The following DPF3 variants were observed in gnomAD, a reference collection of about 807,000 sequenced individuals.
DPF3 encodes zinc finger protein DPF3.
A neutral mutation model predicts 56.8 loss-of-function variants in DPF3; 18 were observed. That is an observed-to-expected ratio of 0.32 (90% CI 0.22 to 0.47). The LOEUF (loss-of-function observed/expected upper bound fraction) is 0.47, where lower values mean the gene tolerates loss of function less well. Among genes scored for constraint, DPF3 ranks in the 20% least tolerant of loss-of-function variants. The pLI is 1.00. For synonymous variants in DPF3, 188 were observed against 180.2 expected, an observed-to-expected ratio of 1.04 and a Z score of -0.35; for missense variants, 403 against 488.8, an observed-to-expected ratio of 0.82 and a Z score of 1.65.
chr14:72,673,550 T>A (rs1040562810), intron 8 of DPF3, among the ~76,000 whole-genome samples: 1 of 152,218 alleles, frequency 6.6e-6, no homozygotes, highest in Non-Finnish European at 1.5e-5. Flanking sequence ...AGACCTGAAT[T>A]CATTTTAAGA....
At position 72,765,032 on chromosome 14, in the gene DPF3, G is replaced by A. The variant is rs531857817; in HGVS notation, c.193+6701C>T. The stretch of plus-strand genomic sequence containing the variant: ...GGTGTCCGCAGGGAATTGGAGAATT[G>A]CTTGGTGTAGGGGAAAAGACATCCA... On this transcript the variant is annotated intron_variant, in intron 2 of 10. Coordinates refer to ENST00000556509, the MANE Select transcript of DPF3 (RefSeq NM_001280542.3). Among the ~76,000 whole-genome samples the A allele has an allele frequency of 3.3e-5, 5 of 152,292 alleles. No individual in the cohort carries two copies. The South Asian group carries it at 6.2e-4, about 19-fold the overall frequency.
chr14:72,849,957 A>T (rs1884908594), intron 1 of DPF3, among the ~76,000 whole-genome samples: 1 of 152,092 alleles, frequency 6.6e-6, no homozygotes, highest in Admixed American at 6.5e-5. Context: ...ATCTTTACTT[A>T]AAAAATACAA....
At chr14:72,882,945 A>C (rs1886375589) in intron 1 of DPF3, among the ~76,000 whole-genome samples, 1 of 152,130 alleles carries the variant, frequency 6.6e-6, no homozygotes, top group East Asian at 1.9e-4. Flanking sequence ...TCTCTATTGG[A>C]GTGGAAGCTC....
intron 1 of DPF3, among the ~76,000 whole-genome samples, chr14:72,785,832 A>T (rs1017148459): frequency 6.6e-6 from 1 of 152,244 alleles, no homozygotes; most frequent in Non-Finnish European, 1.5e-5. Flanking sequence ...ATGGACTTGA[A>T]GAGGCCCTGT....
At chr14:72,660,818 G>C (rs554737804) in intron 8 of DPF3, among the ~76,000 whole-genome samples, 1 of 152,290 alleles carries the variant, frequency 6.6e-6, no homozygotes, top group East Asian at 1.9e-4. Flanking sequence ...GAGAATGAAC[G>C]CTGGCACCAA....
chr14:72,879,914 T>C (rs1175954646), intron 1 of DPF3: 2 of 1,513,002 alleles, frequency 1.3e-6, no homozygotes, highest in Admixed American at 2.2e-5. Flanking sequence ...TCCGGGGAGA[T>C]GATCCACAAC....
chr14:72,671,432 G>T, intron 8 of DPF3: 1 of 1,530,902 alleles, frequency 6.5e-7, no homozygotes. Flanking sequence ...ATTCTTAATA[G>T]CAAGATATAA....
At chr14:72,748,600 T>C (rs889475192) in intron 3 of DPF3, among the ~76,000 whole-genome samples, 1 of 152,224 alleles carries the variant, frequency 6.6e-6, no homozygotes, top group Non-Finnish European at 1.5e-5. Context: ...TCAAGGGTCT[T>C]CACGGCAGCC....
At chr14:72,629,776 T>C (rs1411633339) in intron 8 of DPF3, 40 bp from the exon 9 acceptor site, 6 of 1,446,006 alleles carry the variant, frequency 4.1e-6, no homozygotes, top group Non-Finnish European at 2.8e-6. Flanking sequence ...GGCCAAAGTA[T>C]GAACTGCCAC....
At chr14:72,740,865 C>T (rs913628518) in intron 3 of DPF3, among the ~76,000 whole-genome samples, 3 of 152,244 alleles carry the variant, frequency 2.0e-5, no homozygotes, top group East Asian at 3.9e-4. Flanking sequence ...GTGGGTCCCA[C>T]GGCCAAGTTC....
At chr14:72,746,048 C>T (rs913752947) in intron 3 of DPF3, among the ~76,000 whole-genome samples, 10 of 152,194 alleles carry the variant, frequency 6.6e-5, no homozygotes, top group Non-Finnish European at 1.5e-4. Context: ...CTAGCTCGTG[C>T]TCTACTAACC....
intron 9 of DPF3, among the ~76,000 whole-genome samples, chr14:72,626,174 T>A (rs952504249): frequency 6.6e-6 from 1 of 152,178 alleles, no homozygotes; most frequent in African/African-American, 2.4e-5. Context: ...TTTATCTATT[T>A]GGGAGGTATG....
intron 6 of DPF3, among the ~76,000 whole-genome samples, chr14:72,696,925 A>C (rs985113629): frequency 2.6e-5 from 4 of 152,190 alleles, no homozygotes; most frequent in Non-Finnish European, 5.9e-5. Context: ...TGCACACTAA[A>C]GTTTGAGAAC....
chr14:72,846,352 T>C (rs8011777), intron 1 of DPF3, among the ~76,000 whole-genome samples: 279 of 137,118 alleles, frequency 2.0e-3, no homozygotes, highest in African/African-American at 8.0e-3. Flanking sequence ...TTTTTTTTTT[T>C]TGAGACGGAG....
intron 1 of DPF3, among the ~76,000 whole-genome samples, chr14:72,877,960 A>G (rs17121867): frequency 0.023 from 3,561 of 152,318 alleles, 138 homozygotes; most frequent in African/African-American, 0.081. Context: ...TCTGTCCTGA[A>G]CTGGGATTGA....
chr14:72,861,801 A>AAGAAAGAAAGAAAGAAAGAAAG (rs1567261330), intron 1 of DPF3, among the ~76,000 whole-genome samples: 43 of 150,510 alleles, frequency 2.9e-4, no homozygotes, highest in African/African-American at 1.1e-3. Flanking sequence ...GAAAGAAAGA[A>AAGAAAGAAAGAAAGAAAGAAAG]AGAAGGAAAG....
intron 1 of DPF3, among the ~76,000 whole-genome samples, chr14:72,818,949 A>G (rs1883409975): frequency 6.6e-6 from 1 of 151,666 alleles, no homozygotes; most frequent in Admixed American, 6.6e-5. Flanking sequence ...TATATAGCAC[A>G]TACATGTACA....
chr14:72,662,808 C>T, intron 8 of DPF3: 1 of 986,036 alleles, frequency 1.0e-6, no homozygotes, highest in Admixed American at 6.1e-5. Context: ...TTGAAGGATG[C>T]TGGAGTCCCC....
At chr14:72,738,314 C>T (rs1283515455) in intron 3 of DPF3, among the ~76,000 whole-genome samples, 3 of 152,094 alleles carry the variant, frequency 2.0e-5, no homozygotes, top group Non-Finnish European at 4.4e-5. Context: ...CCAGGCTGCA[C>T]CCTGCAGGCC....
Sources: allele counts gnomAD v4.1 joint callset (sites outside exome capture counted in the v4.1 genomes callset), GRCh38; gene constraint gnomAD v4.1.1; transcripts MANE v1.5; gene names NCBI Gene and HGNC (gene_info 2026-07-23, HGNC 2026-07-21).